DEFB131A: variants seen among roughly 807,000 people sequenced by gnomAD.
The protein encoded by DEFB131A is defensin beta 131A.
Under a neutral mutation model 2.4 loss-of-function variants are expected in DEFB131A, and 5 were observed. The ratio of observed to expected loss-of-function variants is 2.12; its 90% CI spans 1.11 to 4.47. The LOEUF is 4.47. Among genes scored for constraint, DEFB131A ranks in the 30% most tolerant of loss-of-function variants. The pLI, the probability that DEFB131A is intolerant of heterozygous loss-of-function variation, is 0.00. For missense variants in DEFB131A, 120 were observed against 79.9 expected (o/e 1.50, Z -1.91); for synonymous variants, 34 against 25.7 (o/e 1.32, Z -0.97).
At chr4:9,447,864 G>A (rs1277252961) in intron 1 of DEFB131A, among the ~76,000 whole-genome samples, 1 of 152,098 alleles carries the variant, frequency 6.6e-6, no homozygotes, top group Non-Finnish European at 1.5e-5. Flanking sequence ...GAAAGAATCA[G>A]TGAGCTTAAA....
intron 1 of DEFB131A, among the ~76,000 whole-genome samples, chr4:9,445,783 A>G (rs1223205674): frequency 6.6e-6 from 1 of 152,102 alleles, no homozygotes; most frequent in African/African-American, 2.4e-5. Flanking sequence ...ACCCCTCACC[A>G]TTATCTAATT....
chr4:9,445,605 A>G (rs1717474051), intron 1 of DEFB131A, among the ~76,000 whole-genome samples: 1 of 151,598 alleles, frequency 6.6e-6, no homozygotes, highest in South Asian at 2.1e-4. Context: ...CATTTATATA[A>G]TACTTCATGA....
At chr4:9,448,781 G>A (rs1480254699) in intron 1 of DEFB131A, among the ~76,000 whole-genome samples, 1 of 152,246 alleles carries the variant, frequency 6.6e-6, no homozygotes, top group Middle Eastern at 3.4e-3. Context: ...TCAGGAACAA[G>A]GCAAATGTGC....
chr4:9,444,923 AAT>A (rs749592437), intron 1 of DEFB131A, among the ~76,000 whole-genome samples: 2 of 130,970 alleles, frequency 1.5e-5, no homozygotes, highest in African/African-American at 2.7e-5. Flanking sequence ...AAAAAAAAAA[AAT>A]ACAAAAAATT....
intron 1 of DEFB131A, among the ~76,000 whole-genome samples, chr4:9,445,602 A>G (rs1413129903): frequency 6.6e-6 from 1 of 151,714 alleles, no homozygotes; most frequent in East Asian, 1.9e-4. Flanking sequence ...CCTCATTTAT[A>G]TAATACTTCA....
intron 1 of DEFB131A, among the ~76,000 whole-genome samples, chr4:9,444,879 G>C (rs1448624400): frequency 6.7e-6 from 1 of 149,178 alleles, no homozygotes; most frequent in Non-Finnish European, 1.5e-5. Flanking sequence ...CCGACCTGGT[G>C]GGGGCAACAG....
chr4:9,450,408 G>T lies in DEFB131A; in HGVS notation c.107G>T (p.Cys36Phe), dbSNP rs767019411. Residue 36 changes from cysteine to phenylalanine, a missense_variant, in exon 2 of 2, where the codon TGC (cysteine) becomes TTC (phenylalanine). Physicochemically the swap from Cys to Phe is radical, Grantham distance 205 (BLOSUM62 -2). Transcript: ENST00000334879. ...NDECPSEYYH[C>F]RLKCNADEHA... ...GAATGTCCTTCAGAATATTATCATT[G>T]CAGACTGAAGTGCAATGCTGATGAA... 1 of 1,604,372 alleles carries T rather than the reference G, an allele frequency of 6.2e-7. No individual in the cohort carries two copies. Among genetic ancestry groups the T allele is most frequent in the Non-Finnish European group, 8.5e-7 (1 of 1,175,346 alleles).
Position 9,444,564 on chromosome 4 carries a change from C to T in DEFB131A, c.31C>T (p.Leu11Phe). The T allele has an allele frequency of 6.2e-7, 1 of 1,611,134 alleles. No individual in the cohort carries two copies. The highest frequency in any genetic ancestry group is 8.5e-7 in the Non-Finnish European group (1 of 1,179,562). The part of the protein sequence containing the change: MRVLFFVFGV[L>F]SLMFTVPPAR... ...GGTCTTGTTTTTTGTCTTTGGAGTC[C>T]TTTCCTTGATGTTCACAGTTCCTCC... is the stretch of plus-strand genomic sequence containing the variant. The change falls in exon 1 of 2, where the codon CTT becomes TTT. Residue 11 changes from leucine (L) to phenylalanine (F), a missense_variant. Leu to Phe is a conservative substitution (Grantham distance 22, BLOSUM62 0). Transcript: ENST00000334879.
intron 1 of DEFB131A, 110 bp downstream of exon 1, chr4:9,444,701 C>T: frequency 9.2e-7 from 1 of 1,081,758 alleles, no homozygotes; most frequent in Non-Finnish European, 1.3e-6. Context: ...TTTACTGTAC[C>T]ATGAAGGCTG....
chr4:9,449,236 A>G (rs1717588192), intron 1 of DEFB131A, among the ~76,000 whole-genome samples: 1 of 148,624 alleles, frequency 6.7e-6, no homozygotes. Flanking sequence ...GGAAGACATG[A>G]TAATATTAAA....
At chr4:9,446,673 G>A (rs1275972010) in intron 1 of DEFB131A, among the ~76,000 whole-genome samples, 4 of 151,976 alleles carry the variant, frequency 2.6e-5, no homozygotes, top group Non-Finnish European at 4.4e-5. Flanking sequence ...TCCTTGAGGT[G>A]CATAGTAGCT....
rs542618500 is a variant in DEFB131A, at chr4:9,447,675, G to A, written c.59-2685G>A. On this transcript the variant is annotated intron_variant, in intron 1 of 1. Coordinates refer to ENST00000334879, the MANE Select transcript of DEFB131A (RefSeq NM_001040448.3). Reference sequence around the variant, plus strand: ...CAAGGACATCAGCCATATTGCATGAGGGCCATACCCTGGGAGTCTCATTTT... The same window carrying A: ...CAAGGACATCAGCCATATTGCATGAAGGCCATACCCTGGGAGTCTCATTTT... 2.5e-4 allele frequency among the ~76,000 whole-genome samples: 38 copies of A among 151,156 alleles called. 1 individual carries two copies. In the East Asian group the frequency reaches 6.6e-3, roughly 26 times the overall value.
At position 9,450,359 on chromosome 4, in the gene DEFB131A, G is replaced by A. The variant is rs779988559; in HGVS notation, c.59-1G>A. The A allele has an allele frequency of 1.3e-6, 2 of 1,553,028 alleles. No individual in the cohort carries two copies. The highest frequency in any genetic ancestry group is 2.3e-5 in the East Asian group (1 of 43,542). ...ATATAATTTGTCTTCTCTTTTTAAAGCCAGAAGCTTCATTTCTAATGATGA... is the reference window on the plus strand; with the variant it reads ...ATATAATTTGTCTTCTCTTTTTAAAACCAGAAGCTTCATTTCTAATGATGA... On this transcript the variant is annotated splice_acceptor_variant, in intron 1 of 1. Transcript: ENST00000334879. LOFTEE classifies it high-confidence loss of function.
At chr4:9,449,340 A>AAG (rs199774633) in intron 1 of DEFB131A, among the ~76,000 whole-genome samples, 1 of 9,072 alleles carries the variant, frequency 1.1e-4, no homozygotes. Flanking sequence ...AACAATCTTA[A>AAG]ACAGACATAT....
chr4:9,446,358 T>A lies in DEFB131A; in HGVS notation c.58+1767T>A, dbSNP rs181363228. 6.7e-3 allele frequency among the ~76,000 whole-genome samples: 1,014 copies of A among 152,082 alleles called. 16 individuals carry two copies. Among genetic ancestry groups the A allele is most frequent in the African/African-American group, 0.023 (958 of 41,508 alleles). ...GATTATTGGTGTTGGTAAAAAAAAA[T>A]TCTTCGTATGGATTATTTAGCATAT... On this transcript the variant is annotated intron_variant, in intron 1 of 1. Transcript: ENST00000334879.
intron 1 of DEFB131A, among the ~76,000 whole-genome samples, chr4:9,445,762 TA>T (rs1255575796): frequency 6.6e-6 from 1 of 152,160 alleles, no homozygotes; most frequent in Non-Finnish European, 1.5e-5. Context: ...AGTGTATTCT[TA>T]AAATTGTGCA....
Position 9,448,451 on chromosome 4 carries a change from G to A in DEFB131A, c.59-1909G>A, listed in dbSNP as rs541708240. Among the ~76,000 whole-genome samples, 5 of 152,130 alleles carry A rather than the reference G, an allele frequency of 3.3e-5. No individual in the cohort carries two copies. The South Asian group carries it at 6.2e-4, about 19-fold the overall frequency. On this transcript the variant is annotated intron_variant, in intron 1 of 1. Coordinates refer to ENST00000334879, the MANE Select transcript of DEFB131A (RefSeq NM_001040448.3). ...TGCAGCCTCTGCCTCCTGGGTCCAAGCAATCTCGTGCCTCAGCCAGCCACC... is the reference window on the plus strand; with the variant it reads ...TGCAGCCTCTGCCTCCTGGGTCCAAACAATCTCGTGCCTCAGCCAGCCACC...
Position 9,448,145 on chromosome 4 carries a change from T to C in DEFB131A, c.59-2215T>C, listed in dbSNP as rs183667749. ...AAAAAATTTAAACATAGGCATATTA[T>C]ATTGAAACTGCCAAAAATCAAAGAC... On this transcript the variant is annotated intron_variant, in intron 1 of 1. Transcript: ENST00000334879. Among the ~76,000 whole-genome samples, 862 of 142,742 alleles carry C rather than the reference T, an allele frequency of 6.0e-3. 3 individuals carry two copies. Among genetic ancestry groups the C allele is most frequent in the Non-Finnish European group, 8.2e-3 (544 of 66,184 alleles). The allele number at this position is 142,742 out of a possible 152,430, so 93.6% of individuals were successfully genotyped here.
At chr4:9,447,732 A>T (rs1717539321) in intron 1 of DEFB131A, among the ~76,000 whole-genome samples, 1 of 151,906 alleles carries the variant, frequency 6.6e-6, no homozygotes, top group Admixed American at 6.6e-5. Flanking sequence ...AAAAAAAAAA[A>T]ACTTATCTTC....
Sources: allele counts gnomAD v4.1 joint callset (sites outside exome capture counted in the v4.1 genomes callset), GRCh38; gene constraint gnomAD v4.1.1; transcripts MANE v1.5; gene names NCBI Gene and HGNC (gene_info 2026-07-23, HGNC 2026-07-21).